The following NRG1 variants were observed in gnomAD, a reference collection of about 807,000 sequenced individuals.
NRG1 encodes neuregulin 1.
NRG1 carries 18 observed loss-of-function variants against 63.8 expected under a neutral mutation model. The observed-to-expected ratio is 0.28, with a 90% CI of 0.19 to 0.42. The LOEUF (loss-of-function observed/expected upper bound fraction) is 0.42, where lower values mean the gene tolerates loss of function less well. Among genes scored for constraint, NRG1 ranks in the 10% least tolerant of loss-of-function variants. The probability of loss-of-function intolerance (pLI) is 1.00; values close to 1 mark genes in which losing one functional copy is unlikely to be tolerated. For synonymous variants in NRG1, 302 were observed against 301.3 expected, an observed-to-expected ratio of 1.00 and a Z score of -0.02; for missense variants, 762 against 814.7, an observed-to-expected ratio of 0.94 and a Z score of 0.79.
intron 1 of NRG1, among the ~76,000 whole-genome samples, chr8:31,763,167 T>C (rs184946758): frequency 1.3e-5 from 2 of 152,296 alleles, no homozygotes; most frequent in Admixed American, 1.3e-4. Context: ...GAAGAGATAT[T>C]TCTCATTTGA....
At chr8:32,529,501 C>A (rs569712939) in intron 1 of NRG1, among the ~76,000 whole-genome samples, 2 of 152,094 alleles carry the variant, frequency 1.3e-5, no homozygotes, top group Non-Finnish European at 2.9e-5. Flanking sequence ...ATTTTTTAAA[C>A]CTTTTGACTT....
intron 5 of NRG1, among the ~76,000 whole-genome samples, chr8:32,718,800 A>G (rs1234327909): frequency 6.6e-6 from 1 of 152,150 alleles, no homozygotes; most frequent in African/African-American, 2.4e-5. Flanking sequence ...CTCTTTTAAT[A>G]TAGTTCCCAT....
chr8:31,664,710 T>A (rs535741271), intron 1 of NRG1, among the ~76,000 whole-genome samples: 2 of 152,170 alleles, frequency 1.3e-5, no homozygotes, highest in Admixed American at 6.5e-5. Context: ...GGGATGGCAG[T>A]TGATCTGCAA....
At chr8:31,998,144 G>T (rs1812321451) in intron 1 of NRG1, among the ~76,000 whole-genome samples, 2 of 151,880 alleles carry the variant, frequency 1.3e-5, no homozygotes, top group South Asian at 4.1e-4. Flanking sequence ...AAAAAGGATG[G>T]CTCCCCATTG....
intron 5 of NRG1, among the ~76,000 whole-genome samples, chr8:32,690,938 AGTGTGTGTGTGTGT>A (rs113081002): frequency 1.9e-4 from 25 of 131,176 alleles, no homozygotes; most frequent in African/African-American, 5.8e-4. Context: ...TTTCCCTCTC[AGTGTGTGTGTGTGT>A]GTGTGTGTGT....
intron 1 of NRG1, among the ~76,000 whole-genome samples, chr8:32,211,417 TG>T (rs1472787189): frequency 6.6e-6 from 1 of 152,218 alleles, no homozygotes; most frequent in East Asian, 1.9e-4. Context: ...TGACATGTGT[TG>T]GAATCTCAAA....
chr8:31,831,266 T>A (rs1825132522), intron 1 of NRG1, among the ~76,000 whole-genome samples: 1 of 152,054 alleles, frequency 6.6e-6, no homozygotes, highest in African/African-American at 2.4e-5. Flanking sequence ...CATGCCCGGC[T>A]AATTTTTTTT....
intron 1 of NRG1, among the ~76,000 whole-genome samples, chr8:32,567,354 C>T (rs1441405843): frequency 6.6e-6 from 1 of 152,170 alleles, no homozygotes; most frequent in African/African-American, 2.4e-5. Context: ...GTGTAAATCT[C>T]ACTGAATGCA....
chr8:32,514,400 A>G (rs1410957749), intron 1 of NRG1, among the ~76,000 whole-genome samples: 1 of 152,136 alleles, frequency 6.6e-6, no homozygotes, highest in Non-Finnish European at 1.5e-5. Context: ...CTTTTCTGAG[A>G]TCCAAAGTTT....
intron 1 of NRG1, among the ~76,000 whole-genome samples, chr8:32,009,960 T>C (rs1166943377): frequency 2.0e-5 from 3 of 151,334 alleles, no homozygotes. Context: ...CTGTGTATTA[T>C]GGCAAGGATC....
chr8:32,696,489 G>A (rs1813329588), intron 5 of NRG1, among the ~76,000 whole-genome samples: 1 of 151,964 alleles, frequency 6.6e-6, no homozygotes, highest in Non-Finnish European at 1.5e-5. Context: ...GAGAACTCAA[G>A]AGCCCTGGAA....
At chr8:32,416,184 C>T (rs1158434364) in intron 1 of NRG1, among the ~76,000 whole-genome samples, 1 of 152,142 alleles carries the variant, frequency 6.6e-6, no homozygotes, top group Non-Finnish European at 1.5e-5. Context: ...TATTACCTAC[C>T]TTTAGTGTCA....
At chr8:32,222,268 G>A (rs1490234239) in intron 1 of NRG1, among the ~76,000 whole-genome samples, 3 of 151,928 alleles carry the variant, frequency 2.0e-5, no homozygotes, top group Non-Finnish European at 2.9e-5. Flanking sequence ...AAAAATGAGT[G>A]GGCTCTCACA....
intron 1 of NRG1, among the ~76,000 whole-genome samples, chr8:32,164,977 A>G (rs1020303154): frequency 1.2e-4 from 18 of 152,146 alleles, no homozygotes; most frequent in Non-Finnish European, 2.5e-4. Flanking sequence ...AAATAGAGGC[A>G]CTAAGAAATA....
intron 1 of NRG1, among the ~76,000 whole-genome samples, chr8:32,270,198 C>T (rs987217651): frequency 1.3e-5 from 2 of 152,096 alleles, no homozygotes; most frequent in African/African-American, 2.4e-5. Context: ...AGTAATGAGA[C>T]GTTTTGCTAA....
intron 1 of NRG1, among the ~76,000 whole-genome samples, chr8:31,853,413 G>C (rs1563484475): frequency 6.7e-6 from 1 of 150,112 alleles, no homozygotes; most frequent in Non-Finnish European, 1.5e-5. Flanking sequence ...CTCTCTGTTT[G>C]TCTGTTATTG....
At chr8:31,973,240 G>A (rs1807596215) in intron 1 of NRG1, among the ~76,000 whole-genome samples, 1 of 152,066 alleles carries the variant, frequency 6.6e-6, no homozygotes, top group African/African-American at 2.4e-5. Context: ...GGATATACAG[G>A]CTTTTGGGCT....
intron 1 of NRG1, among the ~76,000 whole-genome samples, chr8:31,824,187 A>G (rs977300032): frequency 2.1e-4 from 11 of 53,080 alleles, no homozygotes; most frequent in Middle Eastern, 0.02. Context: ...CCCCCACCCC[A>G]CAACAGGCCC....
At chr8:31,755,247 C>T (rs1234090225) in intron 1 of NRG1, among the ~76,000 whole-genome samples, 1 of 152,072 alleles carries the variant, frequency 6.6e-6, no homozygotes, top group Non-Finnish European at 1.5e-5. Flanking sequence ...GCTGTAATCC[C>T]AATTTATATA....
Sources: gnomAD v4.1 joint callset for allele counts (sites outside exome capture counted in the v4.1 genomes callset) on GRCh38, gnomAD v4.1.1 for gene constraint, MANE v1.5 for transcripts, NCBI Gene and HGNC (gene_info 2026-07-23, HGNC 2026-07-21) for gene names.